MKLN1: variants seen among roughly 807,000 people sequenced by gnomAD.
MKLN1 encodes the protein muskelin.
MKLN1 carries 18 observed loss-of-function variants against 99.0 expected under a neutral mutation model. The ratio of observed to expected loss-of-function variants is 0.18; its 90% confidence interval spans 0.13 to 0.27. The LOEUF is 0.27. MKLN1 is among the 10% of genes least tolerant of loss of function. The pLI, the probability that MKLN1 is intolerant of heterozygous loss-of-function variation, is 1.00. For missense variants in MKLN1, 621 were observed against 875.9 expected (o/e 0.71, Z 3.67); for synonymous variants, 288 against 293.2 (o/e 0.98, Z 0.18).
Position 131,137,169 on chromosome 7 carries a change from T to C in MKLN1, c.-418-5651T>C, listed in dbSNP as rs117305848. ...CACTTGGCCCTTGATCCTATTTCTATCCTGTGCATCTAGAATAGCGCCTGT... is the reference window on the plus strand; with the variant it reads ...CACTTGGCCCTTGATCCTATTTCTACCCTGTGCATCTAGAATAGCGCCTGT... On this transcript the variant is annotated intron_variant, in intron 1 of 7. Transcript: ENST00000416992. Among the ~76,000 whole-genome samples, 729 of 152,274 alleles carry C rather than the reference T, an allele frequency of 4.8e-3. 4 individuals are homozygous for C. The highest frequency in any genetic ancestry group is 8.1e-3 in the Non-Finnish European group (550 of 68,032).
At chr7:131,478,919 A>G (rs1797042293) in intron 17 of MKLN1, 2 of 545,910 alleles carry the variant, frequency 3.7e-6, no homozygotes, top group South Asian at 4.5e-5. Flanking sequence ...AACAGATAGC[A>G]ATAGAAACAC....
At chr7:131,244,053 T>G (rs1797447811) in intron 3 of MKLN1, among the ~76,000 whole-genome samples, 1 of 151,922 alleles carries the variant, frequency 6.6e-6, no homozygotes, top group South Asian at 2.1e-4. Flanking sequence ...GATCACAAGA[T>G]TCTCCAAATG....
intron 2 of MKLN1, among the ~76,000 whole-genome samples, chr7:131,384,542 T>A (rs1431341680): frequency 6.6e-6 from 1 of 152,172 alleles, no homozygotes; most frequent in Non-Finnish European, 1.5e-5. Flanking sequence ...CTGCTGACAC[T>A]GTAGTTTAAG....
chr7:131,136,860 A>G lies in MKLN1; in HGVS notation c.-418-5960A>G, dbSNP rs1332861991. 3.3e-5 allele frequency among the ~76,000 whole-genome samples: 5 copies of G among 152,142 alleles called. No individual in the cohort carries two copies. In the East Asian group the frequency reaches 5.8e-4, roughly 18 times the overall value. Reference sequence around the variant, plus strand: ...TGCAGGAGGCCTTCCTCACCCACTCATACAAAGACAGAGCCCCAAACCACA... The same window carrying G: ...TGCAGGAGGCCTTCCTCACCCACTCGTACAAAGACAGAGCCCCAAACCACA... On this transcript the variant is annotated intron_variant, in intron 1 of 7. Coordinates refer to the MKLN1 transcript ENST00000416992.
chr7:131,469,786 T>C (rs1284885935), intron 15 of MKLN1, among the ~76,000 whole-genome samples: 2 of 152,230 alleles, frequency 1.3e-5, no homozygotes, highest in Non-Finnish European at 2.9e-5. Flanking sequence ...AGAGACGTTA[T>C]CTTTTTCAAA....
chr7:131,428,136 G>A (rs1311867558), intron 8 of MKLN1, among the ~76,000 whole-genome samples: 1 of 152,034 alleles, frequency 6.6e-6, no homozygotes, highest in Non-Finnish European at 1.5e-5. Flanking sequence ...CTGCACTCCA[G>A]CATGGGCAAC....
rs1797372388 is a variant in MKLN1, at chr7:131,489,570, C to G, written c.*1842C>G. ...AGACAGGTGCAAATCAGAAGATTGACAAGGAAGAACTTGAGCTTGCTAAAT... is the reference window on the plus strand; with the variant it reads ...AGACAGGTGCAAATCAGAAGATTGAGAAGGAAGAACTTGAGCTTGCTAAAT... On this transcript the variant is annotated 3_prime_UTR_variant, in exon 18 of 18. Coordinates refer to ENST00000352689, the MANE Select transcript of MKLN1 (RefSeq NM_013255.5). The G allele has an allele frequency of 6.6e-6, 1 of 152,120 alleles. No homozygotes were observed. Among genetic ancestry groups the G allele is most frequent in the South Asian group, 2.1e-4 (1 of 4,828 alleles). 9.4% of individuals were successfully genotyped at this position (152,120 alleles called of 1,614,324 possible). A position where few individuals can be genotyped will look rare whatever the true frequency, so the allele number is the denominator to read the frequency against.
At chr7:131,389,666 G>C (rs1394469405) in intron 4 of MKLN1, among the ~76,000 whole-genome samples, 1 of 151,860 alleles carries the variant, frequency 6.6e-6, no homozygotes, top group East Asian at 1.9e-4. Flanking sequence ...TTATTTAGAA[G>C]GTAGGGAAAT....
chr7:131,429,357 G>C (rs1257243219), intron 9 of MKLN1, among the ~76,000 whole-genome samples: 2 of 152,166 alleles, frequency 1.3e-5, no homozygotes, highest in Non-Finnish European at 2.9e-5. Context: ...TTTATAGAGA[G>C]AGAGAGAGTG....
chr7:131,135,453 G>T (rs562197375), intron 1 of MKLN1, among the ~76,000 whole-genome samples: 3 of 152,164 alleles, frequency 2.0e-5, no homozygotes, highest in Non-Finnish European at 1.5e-5. Flanking sequence ...GTTTAGGGAC[G>T]CATCAGAGTG....
chr7:131,275,300 G>A (rs191929147), intron 3 of MKLN1, among the ~76,000 whole-genome samples: 1 of 149,472 alleles, frequency 6.7e-6, no homozygotes, highest in Non-Finnish European at 1.5e-5. Flanking sequence ...CTCATGACCT[G>A]ATCACCTCCC....
At chr7:131,479,765 C>G (rs967911578) in intron 17 of MKLN1, among the ~76,000 whole-genome samples, 1 of 148,100 alleles carries the variant, frequency 6.8e-6, no homozygotes, top group Non-Finnish European at 1.5e-5. Flanking sequence ...AGGCAGAGCT[C>G]GCAGTGAGCC....
chr7:131,474,536 A>G (rs1796911561), intron 16 of MKLN1, among the ~76,000 whole-genome samples: 1 of 152,210 alleles, frequency 6.6e-6, no homozygotes, highest in Non-Finnish European at 1.5e-5. Context: ...CACTTATTTA[A>G]TCAGATTGTT....
At chr7:131,346,520 C>CAA (rs57016059) in intron 1 of MKLN1, among the ~76,000 whole-genome samples, 1 of 137,956 alleles carries the variant, frequency 7.2e-6, no homozygotes, top group Non-Finnish European at 1.6e-5. Flanking sequence ...GACTCAGTCT[C>CAA]AAAAAAAAAA....
At chr7:131,429,193 A>T in intron 9 of MKLN1, 48 bp downstream of exon 9, 2 of 1,251,796 alleles carry the variant, frequency 1.6e-6, no homozygotes, top group Non-Finnish European at 2.3e-6. Flanking sequence ...AGGGGCGTAG[A>T]TGTGCACTTG....
intron 1 of MKLN1, among the ~76,000 whole-genome samples, chr7:131,140,843 G>A (rs1396858714): frequency 6.6e-6 from 1 of 151,548 alleles, no homozygotes; most frequent in Non-Finnish European, 1.5e-5. Flanking sequence ...GCAGTGGCAC[G>A]ATCTTGGCTC....
In MKLN1 at chr7:131,241,311, G is replaced by A. The variant is rs1157177454; in HGVS notation, c.-179+38337G>A. On this transcript the variant is annotated intron_variant, in intron 3 of 7. Coordinates refer to the MKLN1 transcript ENST00000416992. Reference sequence around the variant, plus strand: ...GAGAATTGCTTGAACCTGGGAGGCAGAGATTGCAGTGAGCCGAGATTGCAC... The same window carrying A: ...GAGAATTGCTTGAACCTGGGAGGCAAAGATTGCAGTGAGCCGAGATTGCAC... 6.7e-5 allele frequency among the ~76,000 whole-genome samples: 10 copies of A among 148,262 alleles called. No individual in the cohort carries two copies. In the Admixed American group the frequency reaches 7.0e-4, roughly 10 times the overall value.
chr7:131,403,868 A>C (rs1482672246), intron 6 of MKLN1, among the ~76,000 whole-genome samples: 3 of 151,948 alleles, frequency 2.0e-5, no homozygotes, highest in Non-Finnish European at 4.4e-5. Flanking sequence ...GAATTACTGA[A>C]ATGAGAGAGA....
At chr7:131,146,702 T>C (rs1795818976) in intron 2 of MKLN1, among the ~76,000 whole-genome samples, 1 of 152,242 alleles carries the variant, frequency 6.6e-6, no homozygotes, top group African/African-American at 2.4e-5. Context: ...AGCACATTTC[T>C]GGGTGGTCTA....
Sources: allele counts gnomAD v4.1 joint callset (sites outside exome capture counted in the v4.1 genomes callset), GRCh38; gene constraint gnomAD v4.1.1; transcripts MANE v1.5; gene names NCBI Gene and HGNC (gene_info 2026-07-23, HGNC 2026-07-21).